Variants in PCDH15 observed in about 807,000 individuals in gnomAD.
PCDH15 encodes the protein protocadherin-15.
PCDH15 carries 129 observed loss-of-function variants against 178.5 expected under a neutral mutation model. The observed-to-expected ratio is 0.72, with a 90% CI of 0.63 to 0.84. The LOEUF (loss-of-function observed/expected upper bound fraction) is 0.84. Ranked by LOEUF, PCDH15 falls within the 40% of genes least tolerant of loss-of-function variation. PCDH15 has a pLI of 0.00. For synonymous variants in PCDH15, 800 were observed against 732.0 expected (o/e 1.09, Z -1.50); for missense variants, 2,230 against 2,099.9 (o/e 1.06, Z -1.21).
chr10:54,295,647 A>T (rs1420904653), intron 8 of PCDH15, among the ~76,000 whole-genome samples: 1 of 152,194 alleles, frequency 6.6e-6, no homozygotes, highest in Non-Finnish European at 1.5e-5. Context: ...AAGACCTGTA[A>T]CATTCACTGT....
At chr10:54,613,228 A>G (rs187165396) in intron 2 of PCDH15, among the ~76,000 whole-genome samples, 1 of 152,024 alleles carries the variant, frequency 6.6e-6, no homozygotes, top group East Asian at 1.9e-4. Flanking sequence ...TATGCCTTAG[A>G]AACACAGCAA....
At chr10:54,294,496 A>T (rs1209326100) in intron 8 of PCDH15, among the ~76,000 whole-genome samples, 1 of 152,230 alleles carries the variant, frequency 6.6e-6, no homozygotes, top group Non-Finnish European at 1.5e-5. Flanking sequence ...TGCCTCAAAT[A>T]GATATAACGC....
chr10:54,774,979 C>T (rs1022283116), intron 1 of PCDH15, among the ~76,000 whole-genome samples: 5 of 152,076 alleles, frequency 3.3e-5, no homozygotes, highest in Non-Finnish European at 5.9e-5. Context: ...TCCACACAAG[C>T]GTCACCTTTG....
At chr10:54,997,882 G>T (rs546996445) in intron 2 of PCDH15, among the ~76,000 whole-genome samples, 4 of 152,032 alleles carry the variant, frequency 2.6e-5, no homozygotes, top group African/African-American at 7.2e-5. Context: ...TATTTTAGAC[G>T]CTCCTTTGAT....
At chr10:54,756,921 G>T (rs1947208500) in intron 1 of PCDH15, among the ~76,000 whole-genome samples, 1 of 152,168 alleles carries the variant, frequency 6.6e-6, no homozygotes, top group African/African-American at 2.4e-5. Flanking sequence ...TCCTAAGTAG[G>T]AGGGAGCTGT....
chr10:55,079,817 T>C (rs1043545612), intron 2 of PCDH15, among the ~76,000 whole-genome samples: 3 of 152,128 alleles, frequency 2.0e-5, no homozygotes, highest in Non-Finnish European at 4.4e-5. Flanking sequence ...GAAAGTGTGC[T>C]GATGCCAGAG....
chr10:55,152,185 T>C (rs76186349), intron 2 of PCDH15, among the ~76,000 whole-genome samples: 8,153 of 152,178 alleles, frequency 0.054, 376 homozygotes, highest in African/African-American at 0.13. Flanking sequence ...ATATATTTCA[T>C]AAACTGAATA....
At chr10:55,415,658 A>T (rs2132039403) in intron 2 of PCDH15, among the ~76,000 whole-genome samples, 1 of 151,776 alleles carries the variant, frequency 6.6e-6, no homozygotes, top group South Asian at 2.1e-4. Flanking sequence ...AAATAAAATC[A>T]ATGTCCTCAT....
At chr10:54,801,509 CTGTTT>C (rs1054024366), upstream of PCDH15, among the ~76,000 whole-genome samples, 9 of 152,178 alleles carry the variant, frequency 5.9e-5, no homozygotes, top group African/African-American at 1.4e-4. Flanking sequence ...ATTCTCTGTT[CTGTTT>C]TGTGTGTTTG....
chr10:54,356,906 A>G (rs2134376595), intron 5 of PCDH15, among the ~76,000 whole-genome samples: 1 of 152,306 alleles, frequency 6.6e-6, no homozygotes, highest in African/African-American at 2.4e-5. Context: ...CCAAAGACAA[A>G]CACCACATGA....
chr10:55,076,585 T>C (rs1195642569), intron 2 of PCDH15, among the ~76,000 whole-genome samples: 1 of 151,540 alleles, frequency 6.6e-6, no homozygotes, highest in Non-Finnish European at 1.5e-5. Flanking sequence ...GTTGGGACTA[T>C]AGGTGCACAC....
intron 2 of PCDH15, among the ~76,000 whole-genome samples, chr10:55,576,729 T>C (rs1209501615): frequency 7.6e-6 from 1 of 132,346 alleles, no homozygotes; most frequent in East Asian, 2.6e-4. Flanking sequence ...ATAACAGATA[T>C]CTAAAAAAAA....
At chr10:54,956,114 A>G (rs1284827841) in intron 2 of PCDH15, among the ~76,000 whole-genome samples, 1 of 151,358 alleles carries the variant, frequency 6.6e-6, no homozygotes, top group Non-Finnish European at 1.5e-5. Flanking sequence ...GAGACCTGCT[A>G]TTTTCATGAG....
At chr10:54,166,125 A>T (rs1022634306) in intron 13 of PCDH15, among the ~76,000 whole-genome samples, 17 of 152,216 alleles carry the variant, frequency 1.1e-4, no homozygotes, top group South Asian at 6.2e-4. Context: ...TCATGAAATT[A>T]CTATGCCTTT....
At chr10:54,045,610 TATG>T (rs1189709271) in intron 18 of PCDH15, among the ~76,000 whole-genome samples, 1 of 152,098 alleles carries the variant, frequency 6.6e-6, no homozygotes, top group Non-Finnish European at 1.5e-5. Flanking sequence ...ATATGGGATT[TATG>T]ATAATATGTA....
At chr10:54,504,185 G>A (rs1460325806) in intron 3 of PCDH15, among the ~76,000 whole-genome samples, 1 of 152,042 alleles carries the variant, frequency 6.6e-6, no homozygotes, top group Non-Finnish European at 1.5e-5. Flanking sequence ...ATGTGACTTG[G>A]CAATTTACTT....
chr10:54,470,730 C>A (rs1261426744), intron 3 of PCDH15, among the ~76,000 whole-genome samples: 3 of 152,108 alleles, frequency 2.0e-5, no homozygotes, highest in Non-Finnish European at 2.9e-5. Context: ...ATACTCCTTG[C>A]CAATTGTAGC....
At chr10:54,773,345 G>A (rs11594138) in intron 1 of PCDH15, among the ~76,000 whole-genome samples, 16,122 of 151,722 alleles carry the variant, frequency 0.11, 1,121 homozygotes, top group Middle Eastern at 0.17. Context: ...CTCCTAATAC[G>A]TCATTTTTAA....
At chr10:54,506,275 T>C (rs1041214091) in intron 3 of PCDH15, among the ~76,000 whole-genome samples, 1 of 152,068 alleles carries the variant, frequency 6.6e-6, no homozygotes, top group Non-Finnish European at 1.5e-5. Flanking sequence ...ATTGGAAATA[T>C]GTATACTTGC....
Sources: gnomAD v4.1 joint callset for allele counts (sites outside exome capture counted in the v4.1 genomes callset) on GRCh38, gnomAD v4.1.1 for gene constraint, MANE v1.5 for transcripts, NCBI Gene and HGNC (gene_info 2026-07-23, HGNC 2026-07-21) for gene names.